The following OR6K3 variants were observed in gnomAD, a reference collection of about 807,000 sequenced individuals.
OR6K3 encodes the protein olfactory receptor 6K3.
For missense variants in OR6K3, 396 were observed against 382.5 expected (o/e 1.04, Z -0.29); for synonymous variants, 169 against 137.7 (o/e 1.23, Z -1.59).
In OR6K3 at chr1:158,717,257, T is replaced by G. The variant is rs770331500; in HGVS notation, c.859A>C (p.Ile287Leu). 4 of 1,613,538 alleles carry G rather than the reference T, an allele frequency of 2.5e-6. No individual in the cohort carries two copies. The highest frequency in any genetic ancestry group is 3.4e-6 in the Non-Finnish European group (4 of 1,179,706). Reference sequence around the variant, plus strand: ...TCCTTGTTTCTCAGGCTATAAATGATGGGATTGAAGAATGGAGCAAGTACA... The same window carrying G: ...TCCTTGTTTCTCAGGCTATAAATGAGGGGATTGAAGAATGGAGCAAGTACA... The part of the protein sequence containing the change: ...FTVLAPFFNP[I>L]IYSLRNKDMN... Residue 287 changes from isoleucine to leucine, a missense_variant, in exon 2 of 2, where the codon ATC becomes CTC. By Grantham distance (5) the Ile-to-Leu change is conservative. Coordinates refer to ENST00000368145, the MANE Select transcript of OR6K3 (RefSeq NM_001005327.3).
In OR6K3 at chr1:158,716,897, C is replaced by T. The variant is rs910580754; in HGVS notation, c.*271G>A. 4.0e-5 allele frequency: 12 copies of T among 299,148 alleles called. No individual in the cohort carries two copies. Among genetic ancestry groups the T allele is most frequent in the African/African-American group, 2.6e-4 (12 of 46,258 alleles). The allele number at this position is 299,148 out of a possible 1,614,324, so 18.5% of individuals were successfully genotyped here. A position where few individuals can be genotyped will look rare whatever the true frequency, so the allele number is the denominator to read the frequency against. ...TTTTGGGAGGCAGAGGAGTTTGGAT[C>T]ACCTAAGGTCAGGAGTTCAAGACCA... On this transcript the variant is annotated 3_prime_UTR_variant, in exon 2 of 2. Coordinates refer to ENST00000368145, the MANE Select transcript of OR6K3 (RefSeq NM_001005327.3).
At chr1:158,719,278 G>A (rs999962984) in intron 1 of OR6K3, among the ~76,000 whole-genome samples, 7 of 151,842 alleles carry the variant, frequency 4.6e-5, no homozygotes, top group African/African-American at 1.2e-4. Flanking sequence ...TTTCCCAAGA[G>A]TCTATTTTCC....
chr1:158,721,892 T>C (rs1302885875), upstream of OR6K3, among the ~76,000 whole-genome samples: 1 of 151,984 alleles, frequency 6.6e-6, no homozygotes, highest in Non-Finnish European at 1.5e-5. Flanking sequence ...TTCTTCAATA[T>C]CTCCATTGTA....
chr1:158,721,697 GTTT>G (rs993467642), upstream of OR6K3, among the ~76,000 whole-genome samples: 1 of 150,530 alleles, frequency 6.6e-6, no homozygotes, highest in East Asian at 2.0e-4. Flanking sequence ...CCTCTGTTTT[GTTT>G]TTTTTCTAGA....
rs1656167252 is a variant in OR6K3 at position 158,717,199 on chromosome 1, A to G, written c.917T>C (p.Leu306Pro). Residue 306 changes from leucine (L) to proline (P), a missense_variant, in exon 2 of 2, where the codon CTT becomes CCT. Physicochemically the swap from Leu to Pro is moderately conservative, Grantham distance 98. Transcript: ENST00000368145. ...MNNAIKKLFC[L>P]QKVLNKPGG Reference sequence around the variant, plus strand: ...TCCAGGCTTGTTCAACACTTTTTGAAGACAGAACAGTTTTTTAATCGCATT... The same window carrying G: ...TCCAGGCTTGTTCAACACTTTTTGAGGACAGAACAGTTTTTTAATCGCATT... 2 of 1,612,474 alleles carry G rather than the reference A, an allele frequency of 1.2e-6. No homozygotes were observed. Among genetic ancestry groups the G allele is most frequent in the African/African-American group, 1.3e-5 (1 of 74,860 alleles).
chr1:158,717,246 G>T lies in OR6K3; in HGVS notation c.870C>A (p.Ser290Arg). The T allele has an allele frequency of 6.2e-7, 1 of 1,613,602 alleles. No homozygotes were observed. Among genetic ancestry groups the T allele is most frequent in the Non-Finnish European group, 8.5e-7 (1 of 1,179,666 alleles). ...LAPFFNPIIYSLRNKDMNNAI... is the reference protein window; with the variant it reads ...LAPFFNPIIYRLRNKDMNNAI... The stretch of plus-strand genomic sequence containing the variant: ...CATTGTTCATGTCCTTGTTTCTCAG[G>T]CTATAAATGATGGGATTGAAGAATG... Residue 290 changes from serine to arginine, a missense_variant, in exon 2 of 2, where the codon AGC becomes AGA. Ser to Arg is a moderately radical substitution (Grantham distance 110). Coordinates refer to ENST00000368145, the MANE Select transcript of OR6K3 (RefSeq NM_001005327.3).
chr1:158,721,276 T>C (rs760258784), upstream of OR6K3, among the ~76,000 whole-genome samples: 63 of 152,140 alleles, frequency 4.1e-4, no homozygotes, highest in Non-Finnish European at 7.7e-4. Context: ...GGGTCTTTCC[T>C]ACCTTGAACA....
rs770853159 is a variant in OR6K3, at chr1:158,718,122, A to G, written c.-7T>C. ...ATTGGTTTCCGCTCTCCATATTTCTAGTAGAGCTACCTGTAAATGGAGAGG... is the reference window on the plus strand; with the variant it reads ...ATTGGTTTCCGCTCTCCATATTTCTGGTAGAGCTACCTGTAAATGGAGAGG... On this transcript the variant is annotated 5_prime_UTR_variant, in exon 2 of 2. Coordinates refer to ENST00000368145, the MANE Select transcript of OR6K3 (RefSeq NM_001005327.3). 1.9e-6 allele frequency: 3 copies of G among 1,567,176 alleles called. No homozygotes were observed. The highest frequency in any genetic ancestry group is 2.3e-5 in the South Asian group (2 of 88,778).
chr1:158,721,602 A>G (rs998410973), upstream of OR6K3, among the ~76,000 whole-genome samples: 1 of 151,890 alleles, frequency 6.6e-6, no homozygotes, highest in East Asian at 1.9e-4. Flanking sequence ...ATGATTTTGT[A>G]TAATATAAAA....
Position 158,717,641 on chromosome 1 carries a change from C to T in OR6K3, c.475G>A (p.Glu159Lys), listed in dbSNP as rs766081367. Residue 159 changes from glutamate to lysine, a missense_variant, in exon 2 of 2, where the codon GAG (glutamate) becomes AAG (lysine). By Grantham distance (56) the Glu-to-Lys change is moderately conservative (BLOSUM62 1). Coordinates refer to ENST00000368145, the MANE Select transcript of OR6K3 (RefSeq NM_001005327.3). Reference sequence around the variant, plus strand: ...GGCAGTGTGGAAATCATCACAATCTCGGGAAGCAGGATAAGGAAACCGAAG... The same window carrying T: ...GGCAGTGTGGAAATCATCACAATCTTGGGAAGCAGGATAAGGAAACCGAAG... ...CLFGFLILLP[E>K]IVMISTLPFC... 47 of 1,613,574 alleles carry T rather than the reference C, an allele frequency of 2.9e-5. No individual in the cohort carries two copies. Among genetic ancestry groups the T allele is most frequent in the Non-Finnish European group, 3.8e-5 (45 of 1,179,834 alleles).
At position 158,718,178 on chromosome 1, in the gene OR6K3, A is replaced by G. The variant is rs369274685; in HGVS notation, c.-17-46T>C. 172 of 966,800 alleles carry G rather than the reference A, an allele frequency of 1.8e-4. No individual in the cohort carries two copies. In the African/African-American group the frequency reaches 2.0e-3, roughly 11 times the overall value. The allele number at this position is 966,800 out of a possible 1,614,324, so 59.9% of individuals were successfully genotyped here. A position where few individuals can be genotyped will look rare whatever the true frequency, so the allele number is the denominator to read the frequency against. ...GTCCAGCACATGAGAGGGTAGAGAA[A>G]AAAATAAATAAGATGTACAGCTAAA... is the stretch of plus-strand genomic sequence containing the variant. On this transcript the variant is annotated intron_variant, in intron 1 of 1. Transcript: ENST00000368145.
intron 1 of OR6K3, among the ~76,000 whole-genome samples, chr1:158,719,255 C>G (rs1022802878): frequency 6.6e-6 from 1 of 151,700 alleles, no homozygotes; most frequent in Non-Finnish European, 1.5e-5. Context: ...CTTGTGTTGT[C>G]TTTCTTAAAT....
upstream of OR6K3, among the ~76,000 whole-genome samples, chr1:158,722,933 C>A: frequency 6.6e-6 from 1 of 151,920 alleles, no homozygotes; most frequent in East Asian, 1.9e-4. Context: ...ACATAGCTAT[C>A]ATGAAGGTTT....
Position 158,717,118 on chromosome 1 carries a change from C to A in OR6K3, c.*50G>T. 1 of 1,348,138 alleles carries A rather than the reference C, an allele frequency of 7.4e-7. No individual in the cohort carries two copies. Among genetic ancestry groups the A allele is most frequent in the South Asian group, 1.3e-5 (1 of 74,740 alleles). 83.5% of individuals were successfully genotyped at this position (1,348,138 alleles called of 1,614,324 possible). ...AGGCAACAAGAGTGAAACTCCATCTCAAAAAACAAAACAAAACAAAAGCAA... is the reference window on the plus strand; with the variant it reads ...AGGCAACAAGAGTGAAACTCCATCTAAAAAAACAAAACAAAACAAAAGCAA... On this transcript the variant is annotated 3_prime_UTR_variant, in exon 2 of 2. Coordinates refer to ENST00000368145, the MANE Select transcript of OR6K3 (RefSeq NM_001005327.3).
chr1:158,718,205 A>G, intron 1 of OR6K3, 73 bp from the exon 2 acceptor site: 3 of 793,422 alleles, frequency 3.8e-6, no homozygotes, highest in Non-Finnish European at 6.1e-6. Context: ...ACAGCTAAAC[A>G]TCTTTGAGAA....
In OR6K3 at chr1:158,716,355, CAT is replaced by C. The variant is rs1656143673; in HGVS notation, c.*811_*812del. ...GTACTAATAATCTAATCTTACTAAACATGTAATTATTCTAATGAATAGGTAAC... is the reference window on the plus strand; with the variant it reads ...GTACTAATAATCTAATCTTACTAAACGTAATTATTCTAATGAATAGGTAAC... On this transcript the variant is annotated 3_prime_UTR_variant, in exon 2 of 2. Transcript: ENST00000368145. The C allele has an allele frequency of 6.6e-6, 1 of 152,046 alleles. No individual in the cohort carries two copies. The highest frequency in any genetic ancestry group is 1.5e-5 in the Non-Finnish European group (1 of 67,986). 9.4% of individuals were successfully genotyped at this position (152,046 alleles called of 1,614,324 possible). A position where few individuals can be genotyped will look rare whatever the true frequency, so the allele number is the denominator to read the frequency against.
In OR6K3 at chr1:158,717,541, G is replaced by A. The variant is rs781152815; in HGVS notation, c.575C>T (p.Thr192Met). 56 of 1,613,592 alleles carry A rather than the reference G, an allele frequency of 3.5e-5. No individual in the cohort carries two copies. The highest frequency in any genetic ancestry group is 1.6e-4 in the East Asian group (7 of 44,860). The change falls in exon 2 of 2, where the codon ACG becomes ATG. Residue 192 changes from threonine to methionine, a missense_variant. Thr to Met is a moderately conservative substitution (Grantham distance 81). Transcript: ENST00000368145. The part of the protein sequence containing the change: ...VPVLSLACTD[T>M]SMILIEDVIH... The stretch of plus-strand genomic sequence containing the variant: ...CACATCCTCAATCAGAATCATGGAC[G>A]TGTCTGTACAGGCCAGGCTTAGCAC...
At position 158,717,610 on chromosome 1, in the gene OR6K3, C is replaced by T. The variant is rs1322601769; in HGVS notation, c.506G>A (p.Cys169Tyr). The T allele has an allele frequency of 6.2e-7, 1 of 1,613,554 alleles. No homozygotes were observed. Among genetic ancestry groups the T allele is most frequent in the Non-Finnish European group, 8.5e-7 (1 of 1,179,832 alleles). ...EIVMISTLPF[C>Y]GPNQIHQIFC... Reference sequence around the variant, plus strand: ...GATCTGATGGATTTGGTTGGGCCCACAGAAAGGCAGTGTGGAAATCATCAC... The same window carrying T: ...GATCTGATGGATTTGGTTGGGCCCATAGAAAGGCAGTGTGGAAATCATCAC... The change falls in exon 2 of 2, where the codon TGT (cysteine) becomes TAT (tyrosine). Residue 169 changes from cysteine to tyrosine, a missense_variant. Physicochemically the swap from Cys to Tyr is radical, Grantham distance 194 (BLOSUM62 -2). Transcript: ENST00000368145.
chr1:158,721,369 A>G (rs1310112126), upstream of OR6K3, among the ~76,000 whole-genome samples: 1 of 151,984 alleles, frequency 6.6e-6, no homozygotes, highest in Non-Finnish European at 1.5e-5. Context: ...TCTGTGCTTC[A>G]TCCACTGATC....
Sources: gnomAD v4.1 joint callset for allele counts (sites outside exome capture counted in the v4.1 genomes callset) on GRCh38, gnomAD v4.1.1 for gene constraint, MANE v1.5 for transcripts, NCBI Gene and HGNC (gene_info 2026-07-23, HGNC 2026-07-21) for gene names.